MGMT: variants seen among roughly 807,000 people sequenced by gnomAD.
The protein encoded by MGMT is O-6-methylguanine-DNA methyltransferase.
MGMT carries 14 observed loss-of-function variants against 15.9 expected under a neutral mutation model. The ratio of observed to expected loss-of-function variants is 0.88; its 90% CI spans 0.58 to 1.37. MGMT has a LOEUF of 1.37. Ranked by LOEUF, MGMT falls within the 40% of genes most tolerant of loss-of-function variation. MGMT has a pLI of 0.00. For synonymous variants in MGMT, 130 were observed against 118.2 expected (o/e 1.10, Z -0.65); for missense variants, 282 against 268.1 (o/e 1.05, Z -0.36).
chr10:129,673,134 G>A (rs11016864), intron 2 of MGMT, among the ~76,000 whole-genome samples: 23,241 of 152,162 alleles, frequency 0.15, 1,889 homozygotes, highest in East Asian at 0.28. Flanking sequence ...TGTTGCCCCA[G>A]GGCAGTCACC....
At chr10:129,695,379 A>C (rs781343004) in intron 2 of MGMT, among the ~76,000 whole-genome samples, 47 of 152,346 alleles carry the variant, frequency 3.1e-4, no homozygotes, top group Admixed American at 5.9e-4. Context: ...GAACTGTACA[A>C]ACCAATTTAC....
intron 2 of MGMT, among the ~76,000 whole-genome samples, chr10:129,653,193 C>A (rs1008308121): frequency 1.3e-5 from 2 of 152,198 alleles, no homozygotes; most frequent in Admixed American, 1.3e-4. Flanking sequence ...ACTTCATGTC[C>A]GGTTATTAAT....
intron 1 of MGMT, among the ~76,000 whole-genome samples, chr10:129,519,109 C>T (rs1042880467): frequency 6.6e-6 from 1 of 152,272 alleles, no homozygotes; most frequent in Non-Finnish European, 1.5e-5. Context: ...TATGTTTTAT[C>T]TGTCATAATT....
At chr10:129,518,325 G>GACACACACACACACACACACACACAC (rs1293188269) in intron 1 of MGMT, among the ~76,000 whole-genome samples, 1 of 88,074 alleles carries the variant, frequency 1.1e-5, no homozygotes, top group African/African-American at 4.5e-5. Context: ...TGTGTGTACA[G>GACACACACACACACACACACACACAC]ATACACACAC....
At chr10:129,505,515 C>A (rs1845616456) in intron 1 of MGMT, among the ~76,000 whole-genome samples, 1 of 152,168 alleles carries the variant, frequency 6.6e-6, no homozygotes, top group Non-Finnish European at 1.5e-5. Context: ...TCATGGAGCT[C>A]AGATAGATAC....
At chr10:129,651,809 C>G (rs1266120765) in intron 2 of MGMT, among the ~76,000 whole-genome samples, 1 of 152,164 alleles carries the variant, frequency 6.6e-6, no homozygotes, top group Admixed American at 6.5e-5. Context: ...GTTCTTCATT[C>G]GAGAGCATGT....
At chr10:129,475,952 A>G (rs1845289112) in intron 1 of MGMT, among the ~76,000 whole-genome samples, 1 of 152,250 alleles carries the variant, frequency 6.6e-6, no homozygotes, top group Non-Finnish European at 1.5e-5. Flanking sequence ...CCATATTCAC[A>G]GCTGACCAAC....
intron 2 of MGMT, among the ~76,000 whole-genome samples, chr10:129,579,488 T>G (rs1846527153): frequency 6.6e-6 from 1 of 152,240 alleles, no homozygotes; most frequent in South Asian, 2.1e-4. Context: ...TATGGGGTTT[T>G]CCCATGCTCC....
rs1476908329 is a variant in MGMT at position 129,588,414 on chromosome 10, G to T, written c.125+52037G>T. 2.6e-5 allele frequency among the ~76,000 whole-genome samples: 4 copies of T among 152,314 alleles called. No individual in the cohort carries two copies. The South Asian group carries it at 8.3e-4, about 32-fold the overall frequency. Reference sequence around the variant, plus strand: ...TTATGCAGCAGTAAGAGGTAATACCGTATGCATCTTCTTGCATCATTTACC... The same window carrying T: ...TTATGCAGCAGTAAGAGGTAATACCTTATGCATCTTCTTGCATCATTTACC... On this transcript the variant is annotated intron_variant, in intron 2 of 4. Transcript: ENST00000651593.
At chr10:129,693,142 T>C (rs928021805) in intron 2 of MGMT, among the ~76,000 whole-genome samples, 2 of 152,206 alleles carry the variant, frequency 1.3e-5, no homozygotes, top group East Asian at 3.8e-4. Flanking sequence ...TGTAAGTCCA[T>C]GTTAACAAAC....
chr10:129,624,363 A>T (rs1450492974), intron 2 of MGMT, among the ~76,000 whole-genome samples: 1 of 152,218 alleles, frequency 6.6e-6, no homozygotes, highest in Non-Finnish European at 1.5e-5. Flanking sequence ...AAGTTCCTGC[A>T]GCCTGTTGGA....
At chr10:129,665,288 ACT>A (rs948434147) in intron 2 of MGMT, among the ~76,000 whole-genome samples, 1 of 122,044 alleles carries the variant, frequency 8.2e-6, no homozygotes, top group Non-Finnish European at 1.8e-5. Context: ...CCCTCTCCCA[ACT>A]CTCTCTCTCC....
intron 2 of MGMT, among the ~76,000 whole-genome samples, chr10:129,604,160 T>C (rs1437114320): frequency 6.6e-6 from 1 of 152,204 alleles, no homozygotes; most frequent in African/African-American, 2.4e-5. Context: ...TCCTCCTCCT[T>C]GTTTGCATGA....
intron 2 of MGMT, among the ~76,000 whole-genome samples, chr10:129,706,453 G>A (rs1230305055): frequency 6.6e-6 from 1 of 152,220 alleles, no homozygotes; most frequent in Non-Finnish European, 1.5e-5. Flanking sequence ...GGAAGGAAGG[G>A]TGAAGGGCCC....
chr10:129,567,155 G>A (rs990728289), intron 2 of MGMT, among the ~76,000 whole-genome samples: 7 of 152,096 alleles, frequency 4.6e-5, no homozygotes, highest in South Asian at 2.1e-4. Flanking sequence ...TCCCGCCTGC[G>A]GACTCCCACT....
chr10:129,498,054 G>A (rs1435342153), intron 1 of MGMT, among the ~76,000 whole-genome samples: 2 of 152,168 alleles, frequency 1.3e-5, no homozygotes, highest in African/African-American at 4.8e-5. Context: ...TTGTGACCCT[G>A]GACCCTTTCG....
At chr10:129,710,528 T>C (rs906676782) in intron 3 of MGMT, among the ~76,000 whole-genome samples, 1 of 152,216 alleles carries the variant, frequency 6.6e-6, no homozygotes, top group African/African-American at 2.4e-5. Flanking sequence ...AACATTTAGC[T>C]CAATCGTTTA....
chr10:129,698,575 G>A (rs946499823), intron 2 of MGMT, among the ~76,000 whole-genome samples: 6 of 152,162 alleles, frequency 3.9e-5, no homozygotes, highest in Admixed American at 3.3e-4. Context: ...TGTGTAAAAC[G>A]TTAGAAAGCA....
At chr10:129,486,389 A>G (rs1353504681) in intron 1 of MGMT, among the ~76,000 whole-genome samples, 2 of 152,028 alleles carry the variant, frequency 1.3e-5, no homozygotes, top group African/African-American at 4.8e-5. Flanking sequence ...GGGTTTTGCC[A>G]CGTTGGCCAG....
Sources: allele counts gnomAD v4.1 joint callset (sites outside exome capture counted in the v4.1 genomes callset), GRCh38; gene constraint gnomAD v4.1.1; transcripts MANE v1.5; gene names NCBI Gene and HGNC (gene_info 2026-07-23, HGNC 2026-07-21).